The following SMAD4 variants were observed in gnomAD, a reference collection of about 807,000 sequenced individuals.
The protein encoded by SMAD4 is SMAD family member 4, also known as MAD homolog 4.
Under a neutral mutation model 63.2 loss-of-function variants are expected in SMAD4, and 7 were observed. That is an observed-to-expected ratio of 0.11 (90% CI 0.06 to 0.21). The LOEUF is 0.21. Ranked by LOEUF, SMAD4 falls within the 10% of genes least tolerant of loss-of-function variation. SMAD4 has a pLI of 1.00. For synonymous variants in SMAD4, 215 were observed against 235.4 expected, an observed-to-expected ratio of 0.91 and a Z score of 0.79; for missense variants, 312 against 693.8, an observed-to-expected ratio of 0.45 and a Z score of 6.18.
intron 1 of SMAD4, among the ~76,000 whole-genome samples, chr18:51,038,350 T>C (rs1245650273): frequency 6.6e-6 from 1 of 151,902 alleles, no homozygotes; most frequent in Admixed American, 6.6e-5. Context: ...TGTTACAAAA[T>C]CGTGCATGGG....
At chr18:51,031,751 T>C (rs1359003520) in intron 1 of SMAD4, among the ~76,000 whole-genome samples, 2 of 148,136 alleles carry the variant, frequency 1.4e-5, no homozygotes, top group Non-Finnish European at 3.0e-5. Context: ...AAAAAAAAAA[T>C]GCGTAATTTC....
intron 4 of SMAD4, chr18:51,054,303 G>A (rs907547689): frequency 5.9e-6 from 1 of 168,972 alleles, no homozygotes. Flanking sequence ...TCTAGATCCT[G>A]GGATTGGATA....
intron 10 of SMAD4, among the ~76,000 whole-genome samples, chr18:51,075,030 T>C (rs1910437124): frequency 1.3e-5 from 2 of 152,302 alleles, no homozygotes; most frequent in Non-Finnish European, 2.9e-5. Context: ...TTTACTAAAG[T>C]ATTTTAGGAC....
chr18:51,033,524 C>T (rs564877790), intron 1 of SMAD4, among the ~76,000 whole-genome samples: 1 of 152,268 alleles, frequency 6.6e-6, no homozygotes, highest in Admixed American at 6.5e-5. Flanking sequence ...GTAAAATTAT[C>T]ACATTTTGGG....
rs1473415636 is a variant in SMAD4, at chr18:51,083,108, C to T, written c.*4641C>T. 8.9e-6 allele frequency: 2 copies of T among 225,660 alleles called. No individual in the cohort carries two copies. The highest frequency in any genetic ancestry group is 1.1e-4 in the Admixed American group (2 of 17,550). The allele number at this position is 225,660 out of a possible 1,614,324, so 14.0% of individuals were successfully genotyped here. ...CTTAGAATAATATTTTGAAAGGTTT[C>T]ATTGCTTCCACTTGAATGCTGCTCT... is the stretch of plus-strand genomic sequence containing the variant. On this transcript the variant is annotated 3_prime_UTR_variant, in exon 12 of 12. Transcript: ENST00000342988.
intron 1 of SMAD4, among the ~76,000 whole-genome samples, chr18:51,041,708 C>T (rs1599177143): frequency 1.3e-5 from 2 of 152,234 alleles, no homozygotes; most frequent in African/African-American, 4.8e-5. Context: ...ATCCCTTCTC[C>T]TGCCATTTAA....
chr18:51,033,729 G>C (rs958192734), intron 1 of SMAD4, among the ~76,000 whole-genome samples: 1 of 152,116 alleles, frequency 6.6e-6, no homozygotes, highest in Non-Finnish European at 1.5e-5. Context: ...GTGTAATTTT[G>C]GTAATGGGAA....
intron 4 of SMAD4, 45 bp downstream of exon 4, chr18:51,049,369 C>A (rs1311926198): frequency 1.4e-6 from 2 of 1,468,992 alleles, no homozygotes; most frequent in Non-Finnish European, 1.9e-6. Flanking sequence ...TTTGTCCTAT[C>A]CTCTCTGTTT....
chr18:51,055,111 C>T, intron 5 of SMAD4, 118 bp downstream of exon 5: 2 of 783,310 alleles, frequency 2.6e-6, no homozygotes, highest in Non-Finnish European at 4.5e-6. Context: ...ACTGTAGTAT[C>T]TTTCATAGGT....
intron 11 of SMAD4, 84 bp downstream of exon 11, chr18:51,076,860 C>A (rs1910486200): frequency 9.1e-7 from 1 of 1,103,248 alleles, no homozygotes; most frequent in Non-Finnish European, 1.3e-6. Flanking sequence ...TTTCTTTGAG[C>A]AGTAATAGAA....
rs536422982 is a variant in SMAD4, at chr18:51,084,107, C to A, written c.*5640C>A. 1.7e-5 allele frequency: 4 copies of A among 232,022 alleles called. No homozygotes were observed. The highest frequency in any genetic ancestry group is 5.6e-5 in the Admixed American group (1 of 17,720). The allele number at this position is 232,022 out of a possible 1,614,324, so 14.4% of individuals were successfully genotyped here. A position where few individuals can be genotyped will look rare whatever the true frequency, so the allele number is the denominator to read the frequency against. The stretch of plus-strand genomic sequence containing the variant: ...CTTTTGAATTGCGTGCACACACACA[C>A]GCACGCACACACTCTGGTCAGAGTT... On this transcript the variant is annotated 3_prime_UTR_variant, in exon 12 of 12. Coordinates refer to ENST00000342988, the MANE Select transcript of SMAD4 (RefSeq NM_005359.6).
intron 5 of SMAD4, among the ~76,000 whole-genome samples, chr18:51,055,394 TATA>T (rs1909816496): frequency 6.6e-6 from 1 of 152,192 alleles, no homozygotes; most frequent in East Asian, 1.9e-4. Context: ...AATATTACCT[TATA>T]GTAGTTGTCT....
chr18:51,072,802 AAAAG>A (rs1176962152), intron 10 of SMAD4, among the ~76,000 whole-genome samples: 13 of 152,342 alleles, frequency 8.5e-5, no homozygotes, highest in African/African-American at 3.1e-4. Context: ...ATCTGAGCCA[AAAAG>A]AATATTTAAA....
Position 51,079,035 on chromosome 18 carries a change from A to C in SMAD4, c.*568A>C. ...TCATCCAAAATATTTTTTGCAAGTT[A>C]TATTAGTGAAGATGGTTTCAATTCA... On this transcript the variant is annotated 3_prime_UTR_variant, in exon 12 of 12. Coordinates refer to ENST00000342988, the MANE Select transcript of SMAD4 (RefSeq NM_005359.6). The C allele has an allele frequency of 4.3e-6, 1 of 233,512 alleles. No homozygotes were observed. Among genetic ancestry groups the C allele is most frequent in the African/African-American group, 2.2e-5 (1 of 45,466 alleles). The allele number at this position is 233,512 out of a possible 1,614,324, so 14.5% of individuals were successfully genotyped here.
chr18:51,061,266 A>G (rs1015533391), intron 8 of SMAD4, among the ~76,000 whole-genome samples: 17 of 152,200 alleles, frequency 1.1e-4, no homozygotes, highest in African/African-American at 4.1e-4. Context: ...TATTGGCTAC[A>G]GTCACCCTGT....
At chr18:51,062,373 A>G (rs1170958097) in intron 8 of SMAD4, among the ~76,000 whole-genome samples, 1 of 152,196 alleles carries the variant, frequency 6.6e-6, no homozygotes, top group Non-Finnish European at 1.5e-5. Context: ...ACATTATGGC[A>G]TCCCAGAAAC....
intron 1 of SMAD4, among the ~76,000 whole-genome samples, chr18:51,044,732 C>T (rs1909487822): frequency 1.3e-5 from 2 of 152,198 alleles, no homozygotes; most frequent in African/African-American, 4.8e-5. Flanking sequence ...AGCTTTTTTA[C>T]TGAACACTAT....
chr18:51,039,284 C>T (rs1837114808), intron 1 of SMAD4, among the ~76,000 whole-genome samples: 1 of 152,138 alleles, frequency 6.6e-6, no homozygotes, highest in Non-Finnish European at 1.5e-5. Context: ...GTTCAGTTAT[C>T]AGGGAACATG....
At chr18:51,067,394 T>TTTTTA (rs1910194071) in intron 10 of SMAD4, among the ~76,000 whole-genome samples, 1 of 151,924 alleles carries the variant, frequency 6.6e-6, no homozygotes, top group African/African-American at 2.4e-5. Flanking sequence ...TACATTTTGT[T>TTTTTA]TTTTATTTTA....
Sources: allele counts gnomAD v4.1 joint callset (sites outside exome capture counted in the v4.1 genomes callset), GRCh38; gene constraint gnomAD v4.1.1; transcripts MANE v1.5; gene names NCBI Gene and HGNC (gene_info 2026-07-23, HGNC 2026-07-21).